The following GPHN variants were observed in gnomAD, a reference collection of about 807,000 sequenced individuals.
GPHN encodes the protein gephyrin.
Under a neutral mutation model 95.5 loss-of-function variants are expected in GPHN, and 17 were observed. That is an observed-to-expected ratio of 0.18 (90% confidence interval 0.12 to 0.27). The LOEUF is 0.27. GPHN is among the 10% of genes least tolerant of loss of function. GPHN has a pLI of 1.00. For synonymous variants in GPHN, 320 were observed against 322.5 expected, an observed-to-expected ratio of 0.99 and a Z score of 0.08; for missense variants, 660 against 978.1, an observed-to-expected ratio of 0.67 and a Z score of 4.34.
At chr14:66,768,545 G>T (rs1189865976) in intron 2 of GPHN, among the ~76,000 whole-genome samples, 1 of 151,920 alleles carries the variant, frequency 6.6e-6, no homozygotes, top group Non-Finnish European at 1.5e-5. Flanking sequence ...GACTTTTTAT[G>T]ATGATAAAAG....
At chr14:66,931,661 T>C (rs1216625848) in intron 8 of GPHN, among the ~76,000 whole-genome samples, 1 of 152,228 alleles carries the variant, frequency 6.6e-6, no homozygotes, top group Admixed American at 6.5e-5. Context: ...TGGTATATTC[T>C]TCAGTTTGTC....
chr14:66,561,647 T>C (rs2060251529), intron 1 of GPHN, among the ~76,000 whole-genome samples: 1 of 152,170 alleles, frequency 6.6e-6, no homozygotes, highest in Admixed American at 6.6e-5. Flanking sequence ...AGTTTTAATC[T>C]ATATATGTGT....
At chr14:67,646,940 G>C in the GPHN span, 2 of 1,606,222 alleles carry the variant, frequency 1.2e-6, no homozygotes, top group Non-Finnish European at 1.7e-6. Flanking sequence ...AAAGAACTAT[G>C]ATATCCAGTA....
In GPHN at chr14:66,875,059, C is replaced by T. The variant is rs755916358; in HGVS notation, c.295-4880C>T. Among the ~76,000 whole-genome samples the T allele has an allele frequency of 7.2e-5, 11 of 152,244 alleles. No homozygotes were observed. The South Asian group carries it at 1.0e-3, about 14-fold the overall frequency. On this transcript the variant is annotated intron_variant, in intron 4 of 22. Transcript: ENST00000478722. ...CCCATCAAGCTAATGGCAGATCTCTCGGCAGAAACCCAACAAGCCAGAAGA... is the reference window on the plus strand; with the variant it reads ...CCCATCAAGCTAATGGCAGATCTCTTGGCAGAAACCCAACAAGCCAGAAGA...
At chr14:67,648,120 C>A in the GPHN span, 1 of 1,613,908 alleles carries the variant, frequency 6.2e-7, no homozygotes, top group East Asian at 2.2e-5. Context: ...CACAGGAACT[C>A]CTGTTGTCGG....
At chr14:67,546,096 G>A in the GPHN span, among the ~76,000 whole-genome samples, 1 of 152,186 alleles carries the variant, frequency 6.6e-6, no homozygotes, top group Admixed American at 6.5e-5. Context: ...GAGGGGACAT[G>A]TTGAAGCCAC....
intron 5 of GPHN, among the ~76,000 whole-genome samples, chr14:66,902,194 T>A (rs1384266868): frequency 6.6e-6 from 1 of 152,114 alleles, no homozygotes; most frequent in Non-Finnish European, 1.5e-5. Flanking sequence ...TATATAGAAA[T>A]GCTACTGCTT....
the GPHN span, chr14:67,412,072 A>C: frequency 3.3e-6 from 5 of 1,537,916 alleles, no homozygotes; most frequent in Admixed American, 9.9e-5. Flanking sequence ...CGCCGCCCGC[A>C]CGCCAGGGCC....
rs1351643292 is a variant in GPHN at position 67,004,126 on chromosome 14, C to CA, written c.964-19506dup. Reference sequence around the variant, plus strand: ...TCATGAATGTAAAAACAGAATTTTTCAGGTACAGTATGAGAGGAATTATAT... The same window carrying CA: ...TCATGAATGTAAAAACAGAATTTTTCAAGGTACAGTATGAGAGGAATTATAT... On this transcript the variant is annotated intron_variant, in intron 9 of 22. Transcript: ENST00000478722. Among the ~76,000 whole-genome samples the CA allele has an allele frequency of 2.0e-5, 3 of 151,790 alleles. No individual in the cohort carries two copies. In the East Asian group the frequency reaches 5.8e-4, roughly 29 times the overall value.
At chr14:66,979,505 G>T (rs1362772791) in intron 9 of GPHN, among the ~76,000 whole-genome samples, 1 of 152,196 alleles carries the variant, frequency 6.6e-6, no homozygotes, top group African/African-American at 2.4e-5. Flanking sequence ...TTCTTCTGCA[G>T]TTTCCTCACC....
intron 1 of GPHN, among the ~76,000 whole-genome samples, chr14:66,673,628 T>C (rs1372949190): frequency 2.0e-5 from 3 of 152,246 alleles, no homozygotes; most frequent in Admixed American, 1.3e-4. Context: ...CAAACTATTA[T>C]GTTAGATAAA....
At chr14:67,625,122 C>T in the GPHN span, among the ~76,000 whole-genome samples, 7 of 151,602 alleles carry the variant, frequency 4.6e-5, no homozygotes, top group South Asian at 1.5e-3. Context: ...GAATAGTCTT[C>T]AGTAAATGGT....
At chr14:67,592,766 G>A in the GPHN span, 2 of 1,135,490 alleles carry the variant, frequency 1.8e-6, no homozygotes, top group Non-Finnish European at 2.6e-6. Context: ...AACTCATTTT[G>A]CATTCTTTTT....
chr14:66,747,232 G>A (rs2058186383), intron 2 of GPHN, among the ~76,000 whole-genome samples: 1 of 151,936 alleles, frequency 6.6e-6, no homozygotes, highest in Non-Finnish European at 1.5e-5. Context: ...AAGAGAGTCT[G>A]GTCTTATTTC....
At chr14:67,228,155 G>A in the GPHN span, among the ~76,000 whole-genome samples, 2 of 148,202 alleles carry the variant, frequency 1.3e-5, no homozygotes, top group African/African-American at 5.0e-5. Flanking sequence ...GGGTGACAGA[G>A]TGAGACTTTG....
chr14:67,724,667 C>A, the GPHN span: 3 of 1,128,788 alleles, frequency 2.7e-6, no homozygotes, highest in Non-Finnish European at 4.0e-6. Flanking sequence ...GTCCATATTG[C>A]TTTGTGTTTC....
the GPHN span, among the ~76,000 whole-genome samples, chr14:67,681,624 A>C: frequency 6.6e-6 from 1 of 152,302 alleles, no homozygotes; most frequent in Admixed American, 6.5e-5. Flanking sequence ...TCTACTAAAA[A>C]TACAAAAATT....
chr14:67,108,749 G>GTA (rs1022324520), intron 13 of GPHN, among the ~76,000 whole-genome samples: 1 of 148,470 alleles, frequency 6.7e-6, no homozygotes, highest in East Asian at 1.9e-4. Context: ...GTGTGTGTGT[G>GTA]TGTGGTTTAT....
chr14:66,668,803 G>T (rs1379295519), intron 1 of GPHN, among the ~76,000 whole-genome samples: 1 of 151,638 alleles, frequency 6.6e-6, no homozygotes, highest in East Asian at 1.9e-4. Context: ...AAGAAAAAGT[G>T]CTTCCTTCTA....
Sources: gnomAD v4.1 joint callset for allele counts (sites outside exome capture counted in the v4.1 genomes callset) on GRCh38, gnomAD v4.1.1 for gene constraint, MANE v1.5 for transcripts, NCBI Gene and HGNC (gene_info 2026-07-23, HGNC 2026-07-21) for gene names.